ASTN2: variants seen among roughly 807,000 people sequenced by gnomAD.
The protein encoded by ASTN2 is astrotactin 2.
ASTN2 carries 54 observed loss-of-function variants against 139.8 expected under a neutral mutation model. The observed-to-expected ratio is 0.39, with a 90% CI of 0.31 to 0.48. The LOEUF is 0.48. Ranked by LOEUF, ASTN2 falls within the 20% of genes least tolerant of loss-of-function variation. The pLI is 0.95. For missense variants in ASTN2, 1,565 were observed against 1,725.1 expected (o/e 0.91, Z 1.64); for synonymous variants, 756 against 719.5 (o/e 1.05, Z -0.81).
intron 1 of ASTN2, among the ~76,000 whole-genome samples, chr9:117,297,506 A>C (rs1030303312): frequency 1.3e-5 from 2 of 152,226 alleles, no homozygotes; most frequent in African/African-American, 4.8e-5. Context: ...TGTGCCAGTC[A>C]GGGTCTCATC....
intron 11 of ASTN2, among the ~76,000 whole-genome samples, chr9:116,828,378 G>A (rs1307142733): frequency 6.6e-6 from 1 of 151,700 alleles, no homozygotes; most frequent in African/African-American, 2.4e-5. Context: ...ATCATCAGGT[G>A]GAATTTATCC....
At chr9:116,827,323 A>C (rs1831665548) in intron 11 of ASTN2, among the ~76,000 whole-genome samples, 1 of 151,314 alleles carries the variant, frequency 6.6e-6, no homozygotes, top group Admixed American at 6.6e-5. Flanking sequence ...CAAAAAAAAA[A>C]AAAAAAAAAA....
At chr9:117,314,714 A>T (rs903709821) in intron 1 of ASTN2, among the ~76,000 whole-genome samples, 1 of 145,890 alleles carries the variant, frequency 6.9e-6, no homozygotes, top group African/African-American at 2.5e-5. Flanking sequence ...ATATTATATA[A>T]TCACATATAA....
chr9:116,993,859 T>C (rs1836932983), intron 7 of ASTN2, among the ~76,000 whole-genome samples: 1 of 139,022 alleles, frequency 7.2e-6, no homozygotes, highest in African/African-American at 2.7e-5. Context: ...ACATGATATA[T>C]ATATATATAT....
intron 10 of ASTN2, among the ~76,000 whole-genome samples, chr9:116,926,708 C>T (rs890174429): frequency 6.6e-6 from 1 of 152,126 alleles, no homozygotes; most frequent in African/African-American, 2.4e-5. Context: ...GTGGGTAACT[C>T]TTTTAAAATT....
At chr9:117,211,742 G>A (rs954170048) in intron 3 of ASTN2, among the ~76,000 whole-genome samples, 5 of 152,036 alleles carry the variant, frequency 3.3e-5, no homozygotes, top group Non-Finnish European at 5.9e-5. Context: ...AAAATTAGAA[G>A]CACTTCTATA....
At chr9:117,278,099 C>T (rs1038271490) in intron 2 of ASTN2, among the ~76,000 whole-genome samples, 1 of 152,178 alleles carries the variant, frequency 6.6e-6, no homozygotes, top group African/African-American at 2.4e-5. Flanking sequence ...CTGACATATG[C>T]CCAGCTCCTC....
intron 7 of ASTN2, among the ~76,000 whole-genome samples, chr9:116,997,757 T>C (rs1319356199): frequency 1.3e-5 from 2 of 152,204 alleles, no homozygotes; most frequent in African/African-American, 4.8e-5. Context: ...AGTGTTATTA[T>C]AATAACTGAG....
At chr9:117,138,805 A>G (rs1383377057) in intron 4 of ASTN2, among the ~76,000 whole-genome samples, 1 of 152,218 alleles carries the variant, frequency 6.6e-6, no homozygotes, top group Non-Finnish European at 1.5e-5. Flanking sequence ...ACTTTTATTA[A>G]TAATCTGACT....
At chr9:117,148,542 C>A (rs1034829761) in intron 3 of ASTN2, among the ~76,000 whole-genome samples, 2 of 152,138 alleles carry the variant, frequency 1.3e-5, no homozygotes, top group African/African-American at 4.8e-5. Context: ...AAGAGATAAA[C>A]TCATCATAAA....
chr9:116,565,720 A>G (rs1215830076), intron 19 of ASTN2, among the ~76,000 whole-genome samples: 1 of 151,806 alleles, frequency 6.6e-6, no homozygotes, highest in African/African-American at 2.4e-5. Context: ...TGGACTCAAG[A>G]GATCCACCTG....
At chr9:117,280,806 C>T (rs1181600068) in intron 2 of ASTN2, among the ~76,000 whole-genome samples, 9 of 152,150 alleles carry the variant, frequency 5.9e-5, no homozygotes, top group Admixed American at 5.9e-4. Context: ...TATTTTCCTT[C>T]TGTAATTAAT....
rs377070277 is a variant in ASTN2, at chr9:116,644,091, T to C, written c.3072+7437A>G. Among the ~76,000 whole-genome samples the C allele has an allele frequency of 3.4e-4, 52 of 152,144 alleles. No individual in the cohort carries two copies. The East Asian group carries it at 8.3e-3, about 24-fold the overall frequency. Reference sequence around the variant, plus strand: ...TGGTAGTGATAGTAGTGGTGTAGCATAGTGGTGGCGGTAGTGGTCATGGTT... The same window carrying C: ...TGGTAGTGATAGTAGTGGTGTAGCACAGTGGTGGCGGTAGTGGTCATGGTT... On this transcript the variant is annotated intron_variant, in intron 17 of 22. Transcript: ENST00000313400.
At chr9:116,841,260 G>T (rs1004032413) in intron 11 of ASTN2, among the ~76,000 whole-genome samples, 1 of 152,084 alleles carries the variant, frequency 6.6e-6, no homozygotes, top group African/African-American at 2.4e-5. Flanking sequence ...ACCTGCAATC[G>T]CAGGCACTCG....
At chr9:116,958,723 T>G (rs1417388321) in intron 10 of ASTN2, among the ~76,000 whole-genome samples, 2 of 152,022 alleles carry the variant, frequency 1.3e-5, no homozygotes, top group Non-Finnish European at 1.5e-5. Context: ...GAGTAGATGT[T>G]CTAGGATCAT....
At chr9:117,054,031 GA>G (rs56060705) in intron 5 of ASTN2, among the ~76,000 whole-genome samples, 7,715 of 140,070 alleles carry the variant, frequency 0.055, 547 homozygotes, top group African/African-American at 0.17. Context: ...GATAAAAAAA[GA>G]AAAAAAAAAA....
At chr9:116,979,806 A>G (rs1836457958) in intron 7 of ASTN2, among the ~76,000 whole-genome samples, 1 of 152,062 alleles carries the variant, frequency 6.6e-6, no homozygotes, top group East Asian at 1.9e-4. Flanking sequence ...TGAGGTCCCT[A>G]TCTCTCCTGC....
At chr9:117,096,804 T>C (rs1828851230) in intron 4 of ASTN2, among the ~76,000 whole-genome samples, 1 of 152,118 alleles carries the variant, frequency 6.6e-6, no homozygotes, top group African/African-American at 2.4e-5. Context: ...GGAGCGAAGA[T>C]TTAAGTCAGG....
chr9:117,246,486 T>G (rs1833386395), intron 2 of ASTN2, among the ~76,000 whole-genome samples: 1 of 152,188 alleles, frequency 6.6e-6, no homozygotes, highest in Non-Finnish European at 1.5e-5. Context: ...AAATCTCCAC[T>G]GCAGAGCTCA....
Sources: allele counts gnomAD v4.1 joint callset (sites outside exome capture counted in the v4.1 genomes callset), GRCh38; gene constraint gnomAD v4.1.1; transcripts MANE v1.5; gene names NCBI Gene and HGNC (gene_info 2026-07-23, HGNC 2026-07-21).